PHF20L1: variants seen among roughly 807,000 people sequenced by gnomAD.
The protein encoded by PHF20L1 is PHD finger protein 20-like protein 1.
PHF20L1 carries 44 observed loss-of-function variants against 125.5 expected under a neutral mutation model. That is an observed-to-expected ratio of 0.35 (90% CI 0.28 to 0.45). PHF20L1 has a LOEUF of 0.45. PHF20L1 is among the 20% of genes least tolerant of loss of function. The pLI is 1.00. For synonymous variants in PHF20L1, 380 were observed against 403.1 expected (o/e 0.94, Z 0.69); for missense variants, 1,012 against 1,217.2 (o/e 0.83, Z 2.51).
chr8:132,836,947 G>A (rs893389474), intron 16 of PHF20L1, among the ~76,000 whole-genome samples: 13 of 152,204 alleles, frequency 8.5e-5, no homozygotes, highest in African/African-American at 3.1e-4. Flanking sequence ...ATGTAGTTCA[G>A]TGCCTTCAAA....
intron 6 of PHF20L1, among the ~76,000 whole-genome samples, chr8:132,801,032 G>C (rs1171933416): frequency 6.6e-6 from 1 of 151,596 alleles, no homozygotes; most frequent in Non-Finnish European, 1.5e-5. Context: ...ATATATTATA[G>C]GAGGGGGATT....
chr8:132,825,212 G>A lies in PHF20L1; in HGVS notation c.1637-52G>A, dbSNP rs937542850. The A allele has an allele frequency of 9.5e-6, 15 of 1,585,668 alleles. No individual in the cohort carries two copies. In the Admixed American group the frequency reaches 1.4e-4, roughly 14 times the overall value. On this transcript the variant is annotated intron_variant, in intron 13 of 20. Transcript: ENST00000395386. ...TGCTGCTTTTAGGTTAACCACAAAG[G>A]AACAACTCAGGATCAGTCGTGATTG...
chr8:132,815,075 A>G (rs550320409), intron 10 of PHF20L1, 186 bp downstream of exon 10: 4 of 468,936 alleles, frequency 8.5e-6, no homozygotes, highest in African/African-American at 6.0e-5. Flanking sequence ...TTGCTTAGAG[A>G]CTACTGCTGG....
chr8:132,815,211 A>G (rs1834825814), intron 10 of PHF20L1: 2 of 173,492 alleles, frequency 1.2e-5, no homozygotes, highest in Admixed American at 1.2e-4. Context: ...GACCCAGGAT[A>G]GCTATTTTTA....
intron 15 of PHF20L1, among the ~76,000 whole-genome samples, chr8:132,835,431 A>G (rs912077214): frequency 6.6e-6 from 1 of 152,110 alleles, no homozygotes; most frequent in Non-Finnish European, 1.5e-5. Flanking sequence ...AACTACTGCA[A>G]AAATTTTAGT....
chr8:132,833,133 A>G (rs9643294), intron 15 of PHF20L1, among the ~76,000 whole-genome samples: 15,483 of 152,156 alleles, frequency 0.1, 1,038 homozygotes, highest in East Asian at 0.36. Flanking sequence ...TGCAATAGCA[A>G]CCAGAGTCAG....
At chr8:132,805,690 A>G (rs1586932638) in intron 8 of PHF20L1, among the ~76,000 whole-genome samples, 1 of 151,944 alleles carries the variant, frequency 6.6e-6, no homozygotes. Flanking sequence ...CATTTTGACC[A>G]TTTTCTGAAG....
At chr8:132,840,165 C>T (rs1328584612) in intron 18 of PHF20L1, among the ~76,000 whole-genome samples, 2 of 152,052 alleles carry the variant, frequency 1.3e-5, no homozygotes, top group African/African-American at 4.8e-5. Flanking sequence ...AACAAACAAA[C>T]AAAAACCCAC....
chr8:132,800,274 T>C (rs771309464), intron 6 of PHF20L1, among the ~76,000 whole-genome samples: 6 of 151,776 alleles, frequency 4.0e-5, no homozygotes, highest in Non-Finnish European at 8.8e-5. Flanking sequence ...CATTATAACA[T>C]TAAGATCAGT....
chr8:132,794,502 A>C lies in PHF20L1; in HGVS notation c.176A>C (p.Tyr59Ser). ...AGTCATCGTTATGATGAGTGGATTTACTGGGATAGCAATAGATTGCGACCC... is the reference window on the plus strand; with the variant it reads ...AGTCATCGTTATGATGAGTGGATTTCCTGGGATAGCAATAGATTGCGACCC... Reference protein sequence around the residue: ...RWSHRYDEWIYWDSNRLRPLE... With the variant: ...RWSHRYDEWISWDSNRLRPLE... The change falls in exon 3 of 21, where the codon TAC becomes TCC. Residue 59 changes from tyrosine (Y) to serine (S), a missense_variant. Transcript: ENST00000395386. 2 of 1,610,342 alleles carry C rather than the reference A, an allele frequency of 1.2e-6. No homozygotes were observed. The highest frequency in any genetic ancestry group is 1.7e-6 in the Non-Finnish European group (2 of 1,176,572).
chr8:132,802,210 C>T lies in PHF20L1; in HGVS notation c.508-1609C>T, dbSNP rs1833150553. ...CTTAAATGTTAGTCTGAAAGCTCAA[C>T]TTAGCCATACTGCTTTTAGCTGCCC... On this transcript the variant is annotated intron_variant, in intron 6 of 20. Transcript: ENST00000395386. 2.0e-5 allele frequency among the ~76,000 whole-genome samples: 3 copies of T among 150,638 alleles called. 1 individual carries two copies. The South Asian group carries it at 6.3e-4, about 31-fold the overall frequency.
intron 16 of PHF20L1, among the ~76,000 whole-genome samples, chr8:132,837,242 G>C (rs535031064): frequency 6.6e-6 from 1 of 152,234 alleles, no homozygotes; most frequent in South Asian, 2.1e-4. Context: ...TTAGTTGAGA[G>C]CATGAAGAAA....
intron 14 of PHF20L1, among the ~76,000 whole-genome samples, chr8:132,827,580 G>T (rs918428162): frequency 6.6e-6 from 1 of 151,944 alleles, no homozygotes; most frequent in Admixed American, 6.6e-5. Flanking sequence ...ATAAGAAGGG[G>T]CCCACACTTG....
intron 14 of PHF20L1, among the ~76,000 whole-genome samples, chr8:132,831,112 C>T (rs1476570089): frequency 1.3e-5 from 2 of 152,046 alleles, no homozygotes; most frequent in Non-Finnish European, 2.9e-5. Flanking sequence ...TCCTGCATTC[C>T]ATCCTCCATT....
chr8:132,841,902 GC>G (rs1406904886), intron 18 of PHF20L1: 1 of 152,126 alleles, frequency 6.6e-6, no homozygotes, highest in Non-Finnish European at 1.5e-5. Flanking sequence ...TAACTCTTCA[GC>G]CCTAGAGTAA....
intron 14 of PHF20L1, 92 bp downstream of exon 14, chr8:132,825,463 G>T: frequency 9.7e-7 from 1 of 1,032,954 alleles, no homozygotes; most frequent in Non-Finnish European, 1.3e-6. Context: ...GTCATGACAC[G>T]ATCCCCGTGT....
chr8:132,824,202 A>G, intron 13 of PHF20L1, 142 bp downstream of exon 13: 1 of 492,148 alleles, frequency 2.0e-6, no homozygotes, highest in South Asian at 4.0e-5. Context: ...AGTGTTAGTC[A>G]GCTCCAGATA....
At chr8:132,786,872 G>T (rs1317326401) in intron 2 of PHF20L1, among the ~76,000 whole-genome samples, 1 of 152,104 alleles carries the variant, frequency 6.6e-6, no homozygotes, top group African/African-American at 2.4e-5. Flanking sequence ...TTTTAAGAAG[G>T]TAGAGCCAAA....
intron 6 of PHF20L1, among the ~76,000 whole-genome samples, chr8:132,800,162 A>G (rs1486219192): frequency 6.6e-6 from 1 of 151,430 alleles, no homozygotes; most frequent in East Asian, 1.9e-4. Context: ...ACACTGAGCC[A>G]ATTTGGTTTG....
Sources: gnomAD v4.1 joint callset for allele counts (sites outside exome capture counted in the v4.1 genomes callset) on GRCh38, gnomAD v4.1.1 for gene constraint, MANE v1.5 for transcripts, NCBI Gene and HGNC (gene_info 2026-07-23, HGNC 2026-07-21) for gene names.